The following PYCR1 variants were observed in gnomAD, a reference collection of about 807,000 sequenced individuals.
PYCR1 encodes pyrroline-5-carboxylate reductase 1, also known as pyrroline-5-carboxylate reductase 1, mitochondrial.
Under a neutral mutation model 22.9 loss-of-function variants are expected in PYCR1, and 19 were observed. The ratio of observed to expected loss-of-function variants is 0.83; its 90% CI spans 0.58 to 1.22. The LOEUF (loss-of-function observed/expected upper bound fraction) is 1.22, where lower values mean the gene tolerates loss of function less well. PYCR1 is among the 50% of genes most tolerant of loss of function. The pLI is 0.00. For synonymous variants in PYCR1, 175 were observed against 180.5 expected (o/e 0.97, Z 0.24); for missense variants, 429 against 431.3 (o/e 0.99, Z 0.05).
intron 6 of PYCR1, chr17:81,934,083 G>A: frequency 1.7e-6 from 1 of 599,052 alleles, no homozygotes. Flanking sequence ...GAACCTATGT[G>A]GGGAGCACAG....
At chr17:81,934,585 C>T (rs1210120779) in intron 5 of PYCR1, 68 bp downstream of exon 5, 3 of 1,550,066 alleles carry the variant, frequency 1.9e-6, no homozygotes, top group African/African-American at 2.7e-5. Flanking sequence ...CCCCACTTGG[C>T]TCCTCCCAGT....
Position 81,934,342 on chromosome 17 carries a change from A to C in PYCR1, c.781T>G (p.Ser261Ala), listed in dbSNP as rs2041095707. Reference protein sequence around the residue: ...RSLLINAVEASCIRTRELQSM... With the variant: ...RSLLINAVEAACIRTRELQSM... Reference sequence around the variant, plus strand: ...GGGGCCCACCGTGTGCGGATGCAGGAGGCCTCCACAGCGTTGATGAGCAGG... The same window carrying C: ...GGGGCCCACCGTGTGCGGATGCAGGCGGCCTCCACAGCGTTGATGAGCAGG... The change falls in exon 6 of 7, where the codon TCC becomes GCC. Residue 261 changes from serine to alanine, a missense_variant. Coordinates refer to ENST00000329875, the MANE Select transcript of PYCR1 (RefSeq NM_006907.4). 6.2e-7 allele frequency: 1 copy of C among 1,612,826 alleles called. No individual in the cohort carries two copies. The highest frequency in any genetic ancestry group is 8.5e-7 in the Non-Finnish European group (1 of 1,179,980).
At position 81,932,950 on chromosome 17, in the gene PYCR1, A is replaced by G. The variant is rs753435029; in HGVS notation, c.*264T>C. ...AAGACCCTCCGGGCTCCCGAGCTCTAGAGGAAGGTGGTCCTGACATGGTTT... is the reference window on the plus strand; with the variant it reads ...AAGACCCTCCGGGCTCCCGAGCTCTGGAGGAAGGTGGTCCTGACATGGTTT... On this transcript the variant is annotated 3_prime_UTR_variant, in exon 7 of 7. Transcript: ENST00000329875. 10 of 1,611,674 alleles carry G rather than the reference A, an allele frequency of 6.2e-6. No individual in the cohort carries two copies. Among genetic ancestry groups the G allele is most frequent in the Non-Finnish European group, 8.5e-6 (10 of 1,179,480 alleles).
intron 2 of PYCR1, 28 bp downstream of exon 2, chr17:81,936,095 C>T (rs765733825): frequency 6.2e-7 from 1 of 1,611,836 alleles, no homozygotes; most frequent in Non-Finnish European, 8.5e-7. Flanking sequence ...GGGACTCAGT[C>T]TCCTTTCTCC....
rs755042731 is a variant in PYCR1, at chr17:81,935,160, C to T, written c.319-13G>A. 1.3e-6 allele frequency: 2 copies of T among 1,599,572 alleles called. No homozygotes were observed. Among genetic ancestry groups the T allele is most frequent in the African/African-American group, 1.3e-5 (1 of 74,878 alleles). ...ACGCTGACAGCTTCTGGAAGAGAAA[C>T]CAGCGTGTCCGTCTGGCCATGGACG... On this transcript the variant is annotated splice_polypyrimidine_tract_variant and intron_variant, in intron 3 of 6. Transcript: ENST00000329875.
chr17:81,936,065 C>G, intron 2 of PYCR1, 58 bp downstream of exon 2: 1 of 1,588,278 alleles, frequency 6.3e-7, no homozygotes, highest in Non-Finnish European at 8.6e-7. Flanking sequence ...ACACTCCTGC[C>G]TCTCACACCC....
rs918429982 is a variant in PYCR1, at chr17:81,932,444, C to T, written c.*770G>A. On this transcript the variant is annotated 3_prime_UTR_variant, in exon 7 of 7. Transcript: ENST00000329875. ...AGGCAGATGCCCTCCAAGATGTGGGCGGGCCTTGTCTAATCAGTTGAAGGC... is the reference window on the plus strand; with the variant it reads ...AGGCAGATGCCCTCCAAGATGTGGGTGGGCCTTGTCTAATCAGTTGAAGGC... 45 of 247,770 alleles carry T rather than the reference C, an allele frequency of 1.8e-4. No homozygotes were observed. Among genetic ancestry groups the T allele is most frequent in the South Asian group, 4.4e-4 (8 of 18,214 alleles). The allele number at this position is 247,770 out of a possible 1,614,324, so 15.3% of individuals were successfully genotyped here. A position where few individuals can be genotyped will look rare whatever the true frequency, so the allele number is the denominator to read the frequency against.
chr17:81,937,114 G>A lies in PYCR1; in HGVS notation c.-300C>T. 7.0e-7 allele frequency: 1 copy of A among 1,431,626 alleles called. No individual in the cohort carries two copies. 88.7% of individuals were successfully genotyped at this position (1,431,626 alleles called of 1,614,324 possible). A position where few individuals can be genotyped will look rare whatever the true frequency, so the allele number is the denominator to read the frequency against. On this transcript the variant is annotated 5_prime_UTR_variant, in exon 1 of 7. Transcript: ENST00000329875. ...GACTGGGAAGGGGGAAAAGTACGGGGAGAGGGAGGGCCCGGCGCCTAGGGG... is the reference window on the plus strand; with the variant it reads ...GACTGGGAAGGGGGAAAAGTACGGGAAGAGGGAGGGCCCGGCGCCTAGGGG...
At chr17:81,934,274 C>T in intron 6 of PYCR1, 52 bp downstream of exon 6, 1 of 1,605,960 alleles carries the variant, frequency 6.2e-7, no homozygotes, top group Non-Finnish European at 8.5e-7. Context: ...TGAGAGAGGC[C>T]TCTGCCATGC....
At position 81,937,167 on chromosome 17, in the gene PYCR1, AG is replaced by A; in HGVS notation, c.-354del. 6.9e-7 allele frequency: 1 copy of A among 1,459,442 alleles called. No homozygotes were observed. The highest frequency in any genetic ancestry group is 1.4e-5 in the South Asian group (1 of 72,572). 90.4% of individuals were successfully genotyped at this position (1,459,442 alleles called of 1,614,324 possible). ...CCCCGTCTGGGTTCCCACCCCGCCCAGAACTGGGCTACCGTCGCGCCCCACC... is the reference window on the plus strand; with the variant it reads ...CCCCGTCTGGGTTCCCACCCCGCCCAAACTGGGCTACCGTCGCGCCCCACC... On this transcript the variant is annotated 5_prime_UTR_variant, in exon 1 of 7. The change abolishes the stop of an existing upstream ORF in the 5' untranslated region. Coordinates refer to ENST00000329875, the MANE Select transcript of PYCR1 (RefSeq NM_006907.4).
In PYCR1 at chr17:81,937,213, T is replaced by C; in HGVS notation, c.-399A>G. ...CCCACCCGGCGACCGCCGCCCACCA[T>C]TCCCGGAGCCCGACCCCAACCCAGC... is the stretch of plus-strand genomic sequence containing the variant. On this transcript the variant is annotated 5_prime_UTR_variant, in exon 1 of 7. The change abolishes an upstream ATG in the 5' untranslated region. Transcript: ENST00000329875. 1 of 1,476,882 alleles carries C rather than the reference T, an allele frequency of 6.8e-7. No individual in the cohort carries two copies. Among genetic ancestry groups the C allele is most frequent in the Non-Finnish European group, 8.9e-7 (1 of 1,118,192 alleles). The allele number at this position is 1,476,882 out of a possible 1,614,324, so 91.5% of individuals were successfully genotyped here.
In PYCR1 at chr17:81,934,221, G is replaced by A. The variant is rs767204134; in HGVS notation, c.797+105C>T. On this transcript the variant is annotated intron_variant, in intron 6 of 6. Coordinates refer to ENST00000329875, the MANE Select transcript of PYCR1 (RefSeq NM_006907.4). ...GTGTCCTGCGCAACACTGGGCTGGA[G>A]CTCAATACGTATCTGCTGAGTGCGT... The A allele has an allele frequency of 9.6e-5, 146 of 1,513,762 alleles. No individual in the cohort carries two copies. The African/African-American group carries it at 1.7e-3, about 18-fold the overall frequency. The allele number at this position is 1,513,762 out of a possible 1,614,324, so 93.8% of individuals were successfully genotyped here.
At position 81,937,187 on chromosome 17, in the gene PYCR1, C is replaced by G. The variant is rs1291189054; in HGVS notation, c.-373G>C. 1.4e-6 allele frequency: 2 copies of G among 1,475,370 alleles called. No individual in the cohort carries two copies. Among genetic ancestry groups the G allele is most frequent in the Non-Finnish European group, 1.8e-6 (2 of 1,118,616 alleles). The allele number at this position is 1,475,370 out of a possible 1,614,324, so 91.4% of individuals were successfully genotyped here. ...CGCCCAGAACTGGGCTACCGTCGCG[C>G]CCCACCCGGCGACCGCCGCCCACCA... is the stretch of plus-strand genomic sequence containing the variant. On this transcript the variant is annotated 5_prime_UTR_variant, in exon 1 of 7. Coordinates refer to ENST00000329875, the MANE Select transcript of PYCR1 (RefSeq NM_006907.4).
Position 81,936,661 on chromosome 17 carries a change from C to A in PYCR1, c.67+87G>T. 5 of 1,442,178 alleles carry A rather than the reference C, an allele frequency of 3.5e-6. No homozygotes were observed. The South Asian group carries it at 4.9e-5, about 14-fold the overall frequency. 89.3% of individuals were successfully genotyped at this position (1,442,178 alleles called of 1,614,324 possible). ...GCAGGACTCAGGCCTTGTGACCCAG[C>A]ACCCACCTTCAGCCCCCAGCCCTGC... On this transcript the variant is annotated intron_variant, in intron 1 of 6. Transcript: ENST00000329875.
rs3744807 is a variant in PYCR1, at chr17:81,932,942, C to T, written c.*272G>A. The T allele has an allele frequency of 4.8e-3, 7,755 of 1,611,660 alleles. 229 individuals carry two copies. In the Admixed American group the frequency reaches 0.07, roughly 15 times the overall value. ...AGTGGGTGAAGACCCTCCGGGCTCC[C>T]GAGCTCTAGAGGAAGGTGGTCCTGA... On this transcript the variant is annotated 3_prime_UTR_variant, in exon 7 of 7. Transcript: ENST00000329875.
chr17:81,933,955 C>T (rs578113166), intron 6 of PYCR1, among the ~76,000 whole-genome samples: 1 of 152,356 alleles, frequency 6.6e-6, no homozygotes, highest in African/African-American at 2.4e-5. Flanking sequence ...AACTTAATCC[C>T]ACAGCGAGGG....
intron 5 of PYCR1, 38 bp from the exon 6 acceptor site, chr17:81,934,527 A>ACCTGCCTCTGCGGGGCACTGCC (rs2041108626): frequency 6.4e-7 from 1 of 1,558,456 alleles, no homozygotes; most frequent in Non-Finnish European, 8.7e-7. Flanking sequence ...GTGGGCACGC[A>ACCTGCCTCTGCGGGGCACTGCC]CCTGCCTCTG....
intron 3 of PYCR1, 58 bp downstream of exon 3, chr17:81,935,279 C>T (rs2041150031): frequency 1.2e-6 from 2 of 1,602,996 alleles, no homozygotes; most frequent in Admixed American, 1.7e-5. Flanking sequence ...AACTGAAGTA[C>T]TGAGGGCCCG....
chr17:81,937,169 A>G lies in PYCR1; in HGVS notation c.-355T>C. ...CCGTCTGGGTTCCCACCCCGCCCAG[A>G]ACTGGGCTACCGTCGCGCCCCACCC... On this transcript the variant is annotated 5_prime_UTR_variant, in exon 1 of 7. Transcript: ENST00000329875. 6.8e-7 allele frequency: 1 copy of G among 1,469,778 alleles called. No individual in the cohort carries two copies. The highest frequency in any genetic ancestry group is 9.0e-7 in the Non-Finnish European group (1 of 1,116,450). 91.0% of individuals were successfully genotyped at this position (1,469,778 alleles called of 1,614,324 possible). A position where few individuals can be genotyped will look rare whatever the true frequency, so the allele number is the denominator to read the frequency against.
Sources: gnomAD v4.1 joint callset for allele counts (sites outside exome capture counted in the v4.1 genomes callset) on GRCh38, gnomAD v4.1.1 for gene constraint, MANE v1.5 for transcripts, NCBI Gene and HGNC (gene_info 2026-07-23, HGNC 2026-07-21) for gene names.